RAP1GDS1: variants seen among roughly 807,000 people sequenced by gnomAD.
RAP1GDS1 encodes the protein RAP1, GTP-GDP dissociation stimulator 1.
A neutral mutation model predicts 71.1 loss-of-function variants in RAP1GDS1; 35 were observed. The observed-to-expected ratio is 0.49, with a 90% CI of 0.38 to 0.65. The LOEUF (loss-of-function observed/expected upper bound fraction) is 0.65, where lower values mean the gene tolerates loss of function less well. Ranked by LOEUF, RAP1GDS1 falls within the 30% of genes least tolerant of loss-of-function variation. RAP1GDS1 has a pLI of 0.00. For synonymous variants in RAP1GDS1, 229 were observed against 243.1 expected (o/e 0.94, Z 0.54); for missense variants, 663 against 706.1 (o/e 0.94, Z 0.69).
intron 14 of RAP1GDS1, among the ~76,000 whole-genome samples, chr4:98,439,691 A>G (rs1456465344): frequency 6.6e-6 from 1 of 152,044 alleles, no homozygotes; most frequent in Non-Finnish European, 1.5e-5. Context: ...TGTCCCCTCT[A>G]TTCTGATGTT....
At chr4:98,276,235 T>G (rs905092248) in intron 1 of RAP1GDS1, among the ~76,000 whole-genome samples, 17 of 152,150 alleles carry the variant, frequency 1.1e-4, no homozygotes, top group Non-Finnish European at 1.9e-4. Flanking sequence ...GGCTCCACTC[T>G]AATGACCTAA....
At chr4:98,404,712 A>T (rs1443954605) in intron 7 of RAP1GDS1, 110 bp downstream of exon 7, 5 of 1,316,306 alleles carry the variant, frequency 3.8e-6, no homozygotes, top group African/African-American at 1.5e-5. Flanking sequence ...TTTATTAGTG[A>T]TATGTTTTAT....
At chr4:98,403,023 AAG>A (rs1745654986) in intron 6 of RAP1GDS1, among the ~76,000 whole-genome samples, 1 of 152,184 alleles carries the variant, frequency 6.6e-6, no homozygotes, top group Non-Finnish European at 1.5e-5. Flanking sequence ...CTAGGTGGGA[AAG>A]AGCATTTTCA....
chr4:98,335,652 A>G (rs1201010649), intron 2 of RAP1GDS1, among the ~76,000 whole-genome samples: 1 of 152,072 alleles, frequency 6.6e-6, no homozygotes, highest in African/African-American at 2.4e-5. Flanking sequence ...TTCTTTTAAA[A>G]TGATATTATT....
At chr4:98,265,692 C>T (rs1444453610) in intron 1 of RAP1GDS1, among the ~76,000 whole-genome samples, 3 of 151,950 alleles carry the variant, frequency 2.0e-5, no homozygotes, top group Non-Finnish European at 2.9e-5. Context: ...TTAAGTTTTC[C>T]GTAGTTAGGG....
chr4:98,411,828 A>G (rs1747107290), intron 7 of RAP1GDS1, among the ~76,000 whole-genome samples: 1 of 152,178 alleles, frequency 6.6e-6, no homozygotes, highest in Non-Finnish European at 1.5e-5. Flanking sequence ...TGGGATTTGT[A>G]TAGTTCAAGG....
chr4:98,330,546 G>A (rs536742551), intron 2 of RAP1GDS1, among the ~76,000 whole-genome samples: 25 of 150,106 alleles, frequency 1.7e-4, no homozygotes, highest in South Asian at 6.4e-4. Context: ...CCTCCCAGAC[G>A]GGGCGGCCGG....
At chr4:98,298,393 T>A (rs1278255916) in intron 2 of RAP1GDS1, among the ~76,000 whole-genome samples, 1 of 152,184 alleles carries the variant, frequency 6.6e-6, no homozygotes, top group Non-Finnish European at 1.5e-5. Context: ...GGTCAATGCC[T>A]GGCTTCAAAG....
intron 2 of RAP1GDS1, among the ~76,000 whole-genome samples, chr4:98,338,792 A>G (rs1281630984): frequency 1.3e-5 from 2 of 152,204 alleles, no homozygotes; most frequent in African/African-American, 2.4e-5. Context: ...GGAGTTTACT[A>G]TAAATTGGTC....
At chr4:98,319,778 CAAAAAAAA>C (rs35696332) in intron 2 of RAP1GDS1, among the ~76,000 whole-genome samples, 55 of 79,224 alleles carry the variant, frequency 6.9e-4, no homozygotes, top group African/African-American at 2.0e-3. Flanking sequence ...GAGAATGTCT[CAAAAAAAA>C]AAAAAAAAAA....
chr4:98,436,440 G>A (rs1751148798), intron 13 of RAP1GDS1, among the ~76,000 whole-genome samples: 5 of 152,096 alleles, frequency 3.3e-5, no homozygotes, highest in Admixed American at 3.3e-4. Flanking sequence ...GTAAGTTTTA[G>A]TATAAGCTTG....
At chr4:98,277,912 A>G (rs1724470450) in intron 1 of RAP1GDS1, among the ~76,000 whole-genome samples, 1 of 152,242 alleles carries the variant, frequency 6.6e-6, no homozygotes, top group Admixed American at 6.5e-5. Context: ...TTAACTGTTA[A>G]CACTTAAGAA....
chr4:98,404,130 G>T (rs1053919065), intron 6 of RAP1GDS1, among the ~76,000 whole-genome samples: 1 of 152,110 alleles, frequency 6.6e-6, no homozygotes, highest in Admixed American at 6.5e-5. Flanking sequence ...CCACTTTAAT[G>T]ATACTAAAGA....
chr4:98,365,937 A>G (rs796423011), intron 4 of RAP1GDS1, among the ~76,000 whole-genome samples: 8 of 152,358 alleles, frequency 5.3e-5, no homozygotes, highest in African/African-American at 1.9e-4. Context: ...TTTAGTGACC[A>G]GAGAAACCTT....
At chr4:98,263,409 C>T (rs941603059) in intron 1 of RAP1GDS1, among the ~76,000 whole-genome samples, 3 of 152,296 alleles carry the variant, frequency 2.0e-5, no homozygotes, top group Admixed American at 1.3e-4. Flanking sequence ...AAGAAATTAT[C>T]TACTTAAAAA....
chr4:98,296,053 C>CAAA (rs1236475192), intron 2 of RAP1GDS1, among the ~76,000 whole-genome samples: 6 of 149,114 alleles, frequency 4.0e-5, no homozygotes, highest in Non-Finnish European at 8.9e-5. Context: ...ACAACAACAA[C>CAAA]AACAAAAACA....
chr4:98,264,348 A>G (rs1352337820), intron 1 of RAP1GDS1, among the ~76,000 whole-genome samples: 1 of 152,164 alleles, frequency 6.6e-6, no homozygotes, highest in Non-Finnish European at 1.5e-5. Flanking sequence ...GTGAGCCGAG[A>G]TCATGCCATT....
At chr4:98,347,411 T>C (rs1280037936) in intron 3 of RAP1GDS1, among the ~76,000 whole-genome samples, 3 of 152,162 alleles carry the variant, frequency 2.0e-5, no homozygotes, top group African/African-American at 7.2e-5. Flanking sequence ...GGAAAAACAT[T>C]AGTCTTAGGT....
intron 4 of RAP1GDS1, among the ~76,000 whole-genome samples, chr4:98,371,466 T>TA (rs1311396665): frequency 6.6e-6 from 1 of 151,986 alleles, no homozygotes; most frequent in Admixed American, 6.6e-5. Flanking sequence ...TCCCTGATAA[T>TA]ACTGCTTATT....
Sources: gnomAD v4.1 joint callset for allele counts (sites outside exome capture counted in the v4.1 genomes callset) on GRCh38, gnomAD v4.1.1 for gene constraint, MANE v1.5 for transcripts, NCBI Gene and HGNC (gene_info 2026-07-23, HGNC 2026-07-21) for gene names.